The following SNAP23 variants were observed in gnomAD, a reference collection of about 807,000 sequenced individuals.
SNAP23 encodes the protein synaptosome associated protein 23.
A neutral mutation model predicts 29.0 loss-of-function variants in SNAP23; 11 were observed. The ratio of observed to expected loss-of-function variants is 0.38; its 90% CI spans 0.24 to 0.63. The LOEUF (loss-of-function observed/expected upper bound fraction) is 0.63. Ranked by LOEUF, SNAP23 falls within the 20% of genes least tolerant of loss-of-function variation. The pLI is 0.58. For missense variants in SNAP23, 220 were observed against 253.9 expected (o/e 0.87, Z 0.91); for synonymous variants, 60 against 82.9 (o/e 0.72, Z 1.50).
chr15:42,499,061 A>G (rs1254902798), intron 1 of SNAP23, among the ~76,000 whole-genome samples: 1 of 151,974 alleles, frequency 6.6e-6, no homozygotes, highest in Non-Finnish European at 1.5e-5. Context: ...CCACTTAACT[A>G]AAGGTCACAT....
At chr15:42,523,136 C>T (rs993214082) in intron 5 of SNAP23, among the ~76,000 whole-genome samples, 1 of 150,468 alleles carries the variant, frequency 6.6e-6, no homozygotes, top group African/African-American at 2.5e-5. Context: ...GTGAGCCACA[C>T]ACCCGAAAAC....
intron 5 of SNAP23, among the ~76,000 whole-genome samples, chr15:42,524,732 T>G (rs1158913368): frequency 6.6e-6 from 1 of 152,226 alleles, no homozygotes; most frequent in African/African-American, 2.4e-5. Flanking sequence ...GTATTACCTT[T>G]AAAGCATCTA....
intron 5 of SNAP23, among the ~76,000 whole-genome samples, chr15:42,522,812 G>A (rs1435773962): frequency 6.8e-6 from 1 of 146,284 alleles, no homozygotes; most frequent in Non-Finnish European, 1.5e-5. Context: ...ATTGACTAAG[G>A]GATATTTCAG....
chr15:42,523,006 G>A (rs1289392012), intron 5 of SNAP23, among the ~76,000 whole-genome samples: 2 of 151,406 alleles, frequency 1.3e-5, no homozygotes, highest in East Asian at 1.9e-4. Flanking sequence ...CACCACACCC[G>A]GCTAATTTTT....
At chr15:42,514,700 CT>C (rs869134157) in intron 4 of SNAP23, among the ~76,000 whole-genome samples, 12,861 of 115,080 alleles carry the variant, frequency 0.11, 548 homozygotes, top group South Asian at 0.18. Flanking sequence ...ATACAAGATT[CT>C]TTTTTTTTTT....
chr15:42,518,749 G>C (rs528948048), intron 5 of SNAP23, among the ~76,000 whole-genome samples: 360 of 152,024 alleles, frequency 2.4e-3, no homozygotes, highest in African/African-American at 8.2e-3. Context: ...AACTCCTAAA[G>C]TTTTGTTTTA....
chr15:42,518,743 C>CCGAAAG (rs1555434864), intron 5 of SNAP23, among the ~76,000 whole-genome samples: 1 of 151,892 alleles, frequency 6.6e-6, no homozygotes, highest in African/African-American at 2.4e-5. Context: ...CTAAAAAACT[C>CCGAAAG]CTAAAGTTTT....
intron 1 of SNAP23, among the ~76,000 whole-genome samples, chr15:42,508,636 G>A (rs1349550163): frequency 2.6e-5 from 4 of 152,144 alleles, no homozygotes; most frequent in Non-Finnish European, 5.9e-5. Flanking sequence ...GATTCCTCAC[G>A]TTATCCATCT....
At chr15:42,524,981 C>G (rs576503115) in intron 5 of SNAP23, among the ~76,000 whole-genome samples, 1 of 152,204 alleles carries the variant, frequency 6.6e-6, no homozygotes, top group African/African-American at 2.4e-5. Flanking sequence ...TTCATAAACA[C>G]GCAGAACATA....
upstream of SNAP23, among the ~76,000 whole-genome samples, chr15:42,492,514 C>G (rs906273797): frequency 3.3e-5 from 5 of 151,626 alleles, no homozygotes; most frequent in African/African-American, 1.2e-4. Context: ...CCCTTCTCTA[C>G]TAAAAACACA....
intron 5 of SNAP23, among the ~76,000 whole-genome samples, chr15:42,526,393 G>T (rs56982416): frequency 0.084 from 12,800 of 152,060 alleles, 604 homozygotes; most frequent in South Asian, 0.15. Context: ...ACTTAAAGTG[G>T]TACCATGAAA....
intron 5 of SNAP23, among the ~76,000 whole-genome samples, chr15:42,520,329 G>A (rs1369263254): frequency 3.3e-5 from 5 of 151,966 alleles, no homozygotes; most frequent in South Asian, 4.2e-4. Flanking sequence ...GATTACAGGC[G>A]TGAGCCACCG....
upstream of SNAP23, chr15:42,492,712 A>C (rs1724676577): frequency 6.6e-6 from 1 of 151,804 alleles, no homozygotes; most frequent in South Asian, 2.1e-4. Flanking sequence ...GAGAGAAAAA[A>C]GAAAGGAAGC....
chr15:42,495,306 A>G (rs2057207279), upstream of SNAP23: 2 of 152,202 alleles, frequency 1.3e-5, no homozygotes. Flanking sequence ...TCTATCCACT[A>G]TAATTTGTTT....
intron 7 of SNAP23, 37 bp from the exon 8 acceptor site, chr15:42,531,376 C>T: frequency 7.1e-7 from 1 of 1,416,052 alleles, no homozygotes; most frequent in Non-Finnish European, 9.4e-7. Flanking sequence ...ATTAGAGTTA[C>T]TTACCTTGTA....
intron 1 of SNAP23, among the ~76,000 whole-genome samples, chr15:42,499,762 A>T (rs1165306746): frequency 6.6e-6 from 1 of 152,188 alleles, no homozygotes; most frequent in Non-Finnish European, 1.5e-5. Context: ...GATTGAACTA[A>T]AGCTTATGGG....
intron 1 of SNAP23, among the ~76,000 whole-genome samples, chr15:42,498,715 T>C (rs1188787366): frequency 6.6e-6 from 1 of 152,214 alleles, no homozygotes; most frequent in Non-Finnish European, 1.5e-5. Flanking sequence ...AATTACTTGG[T>C]GGTCTCAGCT....
At chr15:42,491,889 A>ATTATTTATTTATTTAT (rs764056114), upstream of SNAP23, among the ~76,000 whole-genome samples, 3 of 142,646 alleles carry the variant, frequency 2.1e-5, no homozygotes, top group Non-Finnish European at 3.1e-5. Context: ...GCCTACATTT[A>ATTATTTATTTATTTAT]TTATTTATTT....
intron 1 of SNAP23, among the ~76,000 whole-genome samples, chr15:42,509,354 C>G (rs968336934): frequency 2.0e-5 from 3 of 151,622 alleles, no homozygotes; most frequent in African/African-American, 7.3e-5. Context: ...GAAGCACAGT[C>G]TATGGCAAGC....
Sources: gnomAD v4.1 joint callset for allele counts (sites outside exome capture counted in the v4.1 genomes callset) on GRCh38, gnomAD v4.1.1 for gene constraint, MANE v1.5 for transcripts, NCBI Gene and HGNC (gene_info 2026-07-23, HGNC 2026-07-21) for gene names.